The following NLRP9 variants were observed in gnomAD, a reference collection of about 807,000 sequenced individuals.
NLRP9 encodes the protein NLR family pyrin domain containing 9, also known as NACHT, LRR and PYD domains-containing protein 9.
A neutral mutation model predicts 83.1 loss-of-function variants in NLRP9; 88 were observed. The observed-to-expected ratio is 1.06, with a 90% CI of 0.89 to 1.26. The LOEUF (loss-of-function observed/expected upper bound fraction) is 1.26, where lower values mean the gene tolerates loss of function less well. Among genes scored for constraint, NLRP9 ranks in the 50% most tolerant of loss-of-function variants. The probability of loss-of-function intolerance (pLI) is 0.00; values close to 1 mark genes in which losing one functional copy is unlikely to be tolerated. For missense variants in NLRP9, 1,308 were observed against 1,179.3 expected (o/e 1.11, Z -1.60); for synonymous variants, 521 against 447.6 (o/e 1.16, Z -2.07).
intron 4 of NLRP9, among the ~76,000 whole-genome samples, chr19:55,723,690 T>C (rs1988302125): frequency 1.4e-5 from 2 of 142,380 alleles, no homozygotes; most frequent in South Asian, 2.2e-4. Flanking sequence ...ATTGCGTCAT[T>C]GCACTCCAGC....
rs765779528 is a variant in NLRP9 at position 55,733,919 on chromosome 19, A to ATTTTT, written c.281-374_281-370dup. Among the ~76,000 whole-genome samples the ATTTTT allele has an allele frequency of 2.3e-3, 272 of 117,846 alleles. 21 individuals carry two copies. The highest frequency in any genetic ancestry group is 2.8e-3 in the Non-Finnish European group (167 of 58,674). 77.3% of individuals were successfully genotyped at this position (117,846 alleles called of 152,430 possible). ...ATAAACTCAACCAGTTGTCAACCAAATTTTTTTTTTTTTTTTTTTTTGAGA... is the reference window on the plus strand; with the variant it reads ...ATAAACTCAACCAGTTGTCAACCAAATTTTTTTTTTTTTTTTTTTTTTTTTTGAGA... On this transcript the variant is annotated intron_variant, in intron 1 of 8. Transcript: ENST00000332836.
intron 4 of NLRP9, among the ~76,000 whole-genome samples, chr19:55,719,169 T>A (rs113568653): frequency 1.4e-3 from 216 of 152,274 alleles, no homozygotes; most frequent in African/African-American, 4.8e-3. Context: ...GTTAGACTGA[T>A]TTGCTAGAGT....
intron 5 of NLRP9, among the ~76,000 whole-genome samples, chr19:55,715,606 C>T (rs967755796): frequency 6.6e-6 from 1 of 152,198 alleles, no homozygotes; most frequent in Admixed American, 6.5e-5. Flanking sequence ...ATCGCTTGAA[C>T]CCAGGAGGCG....
At chr19:55,731,085 A>G (rs761567071) in intron 2 of NLRP9, among the ~76,000 whole-genome samples, 16 of 152,178 alleles carry the variant, frequency 1.1e-4, no homozygotes, top group Non-Finnish European at 1.8e-4. Flanking sequence ...TTCTGTGAAC[A>G]AGGGTTATTT....
chr19:55,713,479 C>A (rs1987854569), intron 6 of NLRP9, among the ~76,000 whole-genome samples: 1 of 151,466 alleles, frequency 6.6e-6, no homozygotes, highest in Non-Finnish European at 1.5e-5. Context: ...TGGTGGCTCT[C>A]AGGCAGGCAA....
intron 1 of NLRP9, among the ~76,000 whole-genome samples, chr19:55,735,798 G>A (rs556565864): frequency 9.2e-5 from 14 of 151,776 alleles, no homozygotes; most frequent in Non-Finnish European, 1.8e-4. Context: ...AGTGATTCTC[G>A]TGCCTCAGCC....
In NLRP9 at chr19:55,732,384, G is replaced by A; in HGVS notation, c.1447C>T (p.Gln483Ter). ...ACCTGGGTCAAGAGGGTTTGAGGCT[G>A]AACCACACTTGCTCTTACAAGCTGG... Reference protein sequence around the residue: ...ITQLVRASVVQPQTLLTQVGI... With the variant: ...ITQLVRASVV The change falls in exon 2 of 9, where the codon CAG (glutamine) becomes TAG (stop). Residue 483 changes from glutamine to a stop codon, truncating the protein, a stop_gained. Coordinates refer to ENST00000332836, the MANE Select transcript of NLRP9 (RefSeq NM_176820.4). LOFTEE classifies it high-confidence loss of function. 6.2e-7 allele frequency: 1 copy of A among 1,614,242 alleles called. No homozygotes were observed. Among genetic ancestry groups the A allele is most frequent in the Admixed American group, 1.7e-5 (1 of 60,032 alleles).
chr19:55,713,097 TCTC>T (rs1987833036), intron 6 of NLRP9, among the ~76,000 whole-genome samples: 1 of 150,534 alleles, frequency 6.6e-6, no homozygotes, highest in Admixed American at 6.6e-5. Flanking sequence ...CTCTGTGGCC[TCTC>T]CTCATTATTC....
intron 3 of NLRP9, among the ~76,000 whole-genome samples, chr19:55,725,894 C>T (rs1407912874): frequency 3.3e-5 from 5 of 151,880 alleles, no homozygotes; most frequent in South Asian, 2.1e-4. Context: ...GGCGTGGTGG[C>T]GGGCACCTGT....
chr19:55,716,568 T>C (rs1988021843), intron 5 of NLRP9, among the ~76,000 whole-genome samples, 160 bp downstream of exon 5: 1 of 152,070 alleles, frequency 6.6e-6, no homozygotes, highest in Admixed American at 6.6e-5. Flanking sequence ...CAGCTCCATT[T>C]TACTGATGAG....
chr19:55,712,822 T>A (rs1407342915), intron 6 of NLRP9, among the ~76,000 whole-genome samples: 1 of 12,726 alleles, frequency 7.9e-5, no homozygotes, highest in Non-Finnish European at 1.5e-4. Context: ...GGGAGAGGAG[T>A]GGGAGGGGAA....
chr19:55,734,533 A>G (rs1308236216), intron 1 of NLRP9, among the ~76,000 whole-genome samples: 1 of 87,254 alleles, frequency 1.1e-5, no homozygotes, highest in Admixed American at 1.1e-4. Flanking sequence ...ACACATATAT[A>G]TATATATATA....
At chr19:55,727,487 A>T (rs1016549985) in intron 3 of NLRP9, among the ~76,000 whole-genome samples, 8 of 152,166 alleles carry the variant, frequency 5.3e-5, no homozygotes, top group African/African-American at 1.7e-4. Flanking sequence ...ATCAATGACA[A>T]ATGTCTTCAT....
intron 6 of NLRP9, 43 bp from the exon 7 acceptor site, chr19:55,712,633 C>A: frequency 6.7e-7 from 1 of 1,500,940 alleles, no homozygotes; most frequent in South Asian, 1.1e-5. Context: ...CTTATGAGGT[C>A]AATCATAACA....
intron 3 of NLRP9, among the ~76,000 whole-genome samples, chr19:55,726,095 T>C (rs1040004411): frequency 2.6e-5 from 4 of 151,312 alleles, no homozygotes; most frequent in African/African-American, 9.7e-5. Context: ...CGGGAGGTGG[T>C]GGCAAAAAGG....
intron 1 of NLRP9, among the ~76,000 whole-genome samples, chr19:55,736,282 C>G (rs898165937): frequency 1.3e-5 from 2 of 151,550 alleles, no homozygotes; most frequent in African/African-American, 2.4e-5. Flanking sequence ...TCCCAGCTAC[C>G]TGGGAGGCTG....
chr19:55,712,338 C>G (rs1465373514), intron 7 of NLRP9, 82 bp downstream of exon 7: 4 of 1,208,724 alleles, frequency 3.3e-6, no homozygotes, highest in African/African-American at 1.5e-5. Context: ...AACCTGCCTC[C>G]CTTCCATTCT....
At chr19:55,734,087 T>A (rs1450522298) in intron 1 of NLRP9, among the ~76,000 whole-genome samples, 3 of 151,750 alleles carry the variant, frequency 2.0e-5, no homozygotes, top group Non-Finnish European at 2.9e-5. Flanking sequence ...TACGCATGGT[T>A]AAGTTTTTTG....
At chr19:55,737,308 G>A (rs995715780) in intron 1 of NLRP9, 1 of 152,262 alleles carries the variant, frequency 6.6e-6, no homozygotes, top group African/African-American at 2.4e-5. Flanking sequence ...ACCTGGCTGT[G>A]ATGTCTGTCA....
Sources: allele counts gnomAD v4.1 joint callset (sites outside exome capture counted in the v4.1 genomes callset), GRCh38; gene constraint gnomAD v4.1.1; transcripts MANE v1.5; gene names NCBI Gene and HGNC (gene_info 2026-07-23, HGNC 2026-07-21).